RPS6KA4: variants seen among roughly 807,000 people sequenced by gnomAD.
The protein encoded by RPS6KA4 is ribosomal protein S6 kinase alpha-4.
RPS6KA4 carries 38 observed loss-of-function variants against 89.6 expected under a neutral mutation model. The observed-to-expected ratio is 0.42, with a 90% CI of 0.33 to 0.56. The LOEUF (loss-of-function observed/expected upper bound fraction) is 0.56, where lower values mean the gene tolerates loss of function less well. Ranked by LOEUF, RPS6KA4 falls within the 20% of genes least tolerant of loss-of-function variation. The pLI is 0.07. For missense variants in RPS6KA4, 873 were observed against 1,098.8 expected (o/e 0.79, Z 2.90); for synonymous variants, 495 against 492.8 (o/e 1.00, Z -0.06).
Position 64,371,514 on chromosome 11 carries a change from G to A in RPS6KA4, c.*34G>A. The A allele has an allele frequency of 2.4e-6, 2 of 848,816 alleles. No individual in the cohort carries two copies. The highest frequency in any genetic ancestry group is 1.8e-6 in the Non-Finnish European group (1 of 543,070). The allele number at this position is 848,816 out of a possible 1,614,324, so 52.6% of individuals were successfully genotyped here. ...ACTGTGACCCCCTTCCCTCATAGGG[G>A]CTGTGACCTGGGAGCCCGGCTCACT... is the stretch of plus-strand genomic sequence containing the variant. On this transcript the variant is annotated 3_prime_UTR_variant, in exon 17 of 17. Coordinates refer to ENST00000334205, the MANE Select transcript of RPS6KA4 (RefSeq NM_003942.3).
chr11:64,361,234 C>G lies in RPS6KA4; in HGVS notation c.563C>G (p.Thr188Arg). 3 of 1,613,020 alleles carry G rather than the reference C, an allele frequency of 1.9e-6. No homozygotes were observed. The highest frequency in any genetic ancestry group is 2.5e-6 in the Non-Finnish European group (3 of 1,179,712). ...TTCGGGCTGAGCAAGGAGTTCCTGA[C>G]GGAGGAGGTGAGTGGAGGCCACCTC... ...TDFGLSKEFL[T>R]EEKERTFSFC... The change falls in exon 5 of 17, where the codon ACG becomes AGG. Residue 188 changes from threonine to arginine, a missense_variant. This residue lies in a region of RPS6KA4 where 542 missense variants were observed against 736.4 expected (regional missense o/e 0.74). Transcript: ENST00000334205. This position sits in a 1 kb window ranked among gnomAD's most constrained non-coding sequence, Gnocchi z 4.7.
rs534359368 is a variant in RPS6KA4 at position 64,365,932 on chromosome 11, G to A, written c.1071+467G>A. ...TATGCGCCTGTAATCCCAGCTACTC[G>A]GGAGGCTGAGGTGAGAGAATCCCTT... On this transcript the variant is annotated intron_variant, in intron 9 of 16. Transcript: ENST00000334205. Among the ~76,000 whole-genome samples the A allele has an allele frequency of 3.5e-4, 53 of 152,088 alleles. 1 individual carries two copies. The highest frequency in any genetic ancestry group is 6.8e-3 in the Middle Eastern group (2 of 294).
Position 64,370,708 on chromosome 11 carries a change from T to A in RPS6KA4, c.2103T>A (p.Gly701=). ...CCTCTGGGCCCGCAGTGCGCTCGGG[T>A]CTCAACGCCACCTTCATGGTAAGGG... ...LESSGPAVRS[G]LNATFMAFNR... Residue 701 remains glycine (G), a synonymous_variant, in exon 16 of 17, where the codon GGT becomes GGA. Coordinates refer to ENST00000334205, the MANE Select transcript of RPS6KA4 (RefSeq NM_003942.3). This position sits in a 1 kb window ranked among gnomAD's most constrained non-coding sequence, Gnocchi z 4.1. 4 of 1,558,978 alleles carry A rather than the reference T, an allele frequency of 2.6e-6. No individual in the cohort carries two copies. The highest frequency in any genetic ancestry group is 3.5e-6 in the Non-Finnish European group (4 of 1,156,088).
intron 8 of RPS6KA4, among the ~76,000 whole-genome samples, chr11:64,362,828 G>A (rs1436773799): frequency 2.6e-5 from 4 of 152,114 alleles, no homozygotes; most frequent in Admixed American, 1.3e-4. Context: ...AGGCCACCAC[G>A]ACTGGCTAAT....
At chr11:64,359,745 T>C in intron 2 of RPS6KA4, 1 of 539,654 alleles carries the variant, frequency 1.9e-6, no homozygotes, top group Non-Finnish European at 3.3e-6. Context: ...CTCCTCCCTT[T>C]CTTCCAATAT....
Position 64,370,794 on chromosome 11 carries a change from C to T in RPS6KA4, c.2121+68C>T, listed in dbSNP as rs1326077628. The T allele has an allele frequency of 7.6e-6, 11 of 1,440,810 alleles. No individual in the cohort carries two copies. The highest frequency in any genetic ancestry group is 1.0e-5 in the Non-Finnish European group (11 of 1,096,632). The allele number at this position is 1,440,810 out of a possible 1,614,324, so 89.3% of individuals were successfully genotyped here. A position where few individuals can be genotyped will look rare whatever the true frequency, so the allele number is the denominator to read the frequency against. ...TCGAGAGGTGGGGTCTGGGGAGGCC[C>T]GGCCATCGGAGCACAGAAAGGCGAG... On this transcript the variant is annotated intron_variant, in intron 16 of 16. Transcript: ENST00000334205. The surrounding 1 kb of genome is among the most constrained non-coding windows in gnomAD (Gnocchi z 4.1).
At position 64,361,049 on chromosome 11, in the gene RPS6KA4, T is replaced by G. The variant is rs2036732473; in HGVS notation, c.463-85T>G. 2 of 1,124,662 alleles carry G rather than the reference T, an allele frequency of 1.8e-6. No homozygotes were observed. 69.7% of individuals were successfully genotyped at this position (1,124,662 alleles called of 1,614,324 possible). On this transcript the variant is annotated intron_variant, in intron 4 of 16. Transcript: ENST00000334205. The surrounding 1 kb of genome is among the most constrained non-coding windows in gnomAD (Gnocchi z 4.7). ...GGCAGATGACTTTCTCTGGGGGGTC[T>G]CCTTATCCTGAGCAGGGCCAGGAGC...
chr11:64,360,612 C>A lies in RPS6KA4; in HGVS notation c.462+20C>A, dbSNP rs1389082322. 6.4e-7 allele frequency: 1 copy of A among 1,568,082 alleles called. No homozygotes were observed. Among genetic ancestry groups the A allele is most frequent in the Admixed American group, 1.8e-5 (1 of 54,260 alleles). On this transcript the variant is annotated intron_variant, in intron 4 of 16. Transcript: ENST00000334205. Reference sequence around the variant, plus strand: ...CACAAGGTGGGTGAAGACCTGGCCGCAGGCTGTTGCTATGGAAACTGGGTC... The same window carrying A: ...CACAAGGTGGGTGAAGACCTGGCCGAAGGCTGTTGCTATGGAAACTGGGTC...
At chr11:64,359,717 C>T (rs1418790994) in intron 2 of RPS6KA4, 11 of 562,762 alleles carry the variant, frequency 2.0e-5, no homozygotes, top group African/African-American at 3.8e-5. Flanking sequence ...TGGCGCCCCT[C>T]TCAAGTGATT....
intron 8 of RPS6KA4, among the ~76,000 whole-genome samples, chr11:64,364,233 G>A (rs1367115527): frequency 6.6e-6 from 1 of 151,052 alleles, no homozygotes; most frequent in Non-Finnish European, 1.5e-5. Flanking sequence ...TGGAGCTCTT[G>A]CCATCTAAGC....
intron 12 of RPS6KA4, among the ~76,000 whole-genome samples, chr11:64,369,159 C>T (rs1403404480): frequency 1.3e-5 from 2 of 152,106 alleles, no homozygotes; most frequent in Non-Finnish European, 2.9e-5. Context: ...GACGCGGTGG[C>T]GTGCGCCTGT....
rs151034403 is a variant in RPS6KA4, at chr11:64,368,219, C to A, written c.1159C>A (p.Arg387=). The A allele has an allele frequency of 6.2e-7, 1 of 1,613,574 alleles. No individual in the cohort carries two copies. The highest frequency in any genetic ancestry group is 8.5e-7 in the Non-Finnish European group (1 of 1,180,012). The change falls in exon 10 of 17, where the codon CGG becomes AGG. Residue 387 remains arginine, a synonymous_variant. Transcript: ENST00000334205. ...DGLEAPGAGD[R]PGRAAVARSA... ...GCTGGAAGCGCCTGGTGCTGGAGAC[C>A]GGCCAGGTCGGGCAGCGGTGGCCAG...
At position 64,369,877 on chromosome 11, in the gene RPS6KA4, G is replaced by A; in HGVS notation, c.1781G>A (p.Ser594Asn). ...QGYDESCDLWSLGVILYMMLS... is the reference protein window; with the variant it reads ...QGYDESCDLWNLGVILYMMLS... ...TACGACGAGTCCTGCGACCTCTGGA[G>A]CCTGGGCGTCATTCTGGTATGGGAC... is the stretch of plus-strand genomic sequence containing the variant. Residue 594 changes from serine to asparagine, a missense_variant, in exon 14 of 17, where the codon AGC becomes AAC. This residue lies in a region of RPS6KA4 where 278 missense variants were observed against 284.8 expected (regional missense o/e 0.98). Transcript: ENST00000334205. 6.5e-7 allele frequency: 1 copy of A among 1,548,182 alleles called. No homozygotes were observed. The highest frequency in any genetic ancestry group is 8.7e-7 in the Non-Finnish European group (1 of 1,145,506).
At chr11:64,371,201 A>G in intron 16 of RPS6KA4, 82 bp from the exon 17 acceptor site, 3 of 1,398,504 alleles carry the variant, frequency 2.1e-6, no homozygotes, top group Admixed American at 3.7e-5. Context: ...GCTGGAGGCA[A>G]GGTCTGGGAA....
intron 8 of RPS6KA4, among the ~76,000 whole-genome samples, chr11:64,362,457 C>T (rs1218309643): frequency 1.3e-5 from 2 of 152,230 alleles, no homozygotes; most frequent in Non-Finnish European, 2.9e-5. Context: ...GCCTGTCATT[C>T]AGATGGACGG....
intron 8 of RPS6KA4, among the ~76,000 whole-genome samples, chr11:64,362,977 A>G (rs2036794556): frequency 6.6e-6 from 1 of 152,056 alleles, no homozygotes; most frequent in Non-Finnish European, 1.5e-5. Context: ...TGCCACAACC[A>G]CCTTGATTTT....
intron 9 of RPS6KA4, among the ~76,000 whole-genome samples, 186 bp downstream of exon 9, chr11:64,365,651 G>A (rs1232936840): frequency 6.6e-6 from 1 of 152,216 alleles, no homozygotes; most frequent in Non-Finnish European, 1.5e-5. Context: ...GGCAGGATGT[G>A]TGTTTGATAG....
At chr11:64,369,678 A>T in intron 13 of RPS6KA4, 21 bp from the exon 14 acceptor site, 1 of 1,602,162 alleles carries the variant, frequency 6.2e-7, no homozygotes, top group Non-Finnish European at 8.5e-7. Context: ...GCCTCTGACC[A>T]CTACCCCGCC....
At position 64,360,244 on chromosome 11, in the gene RPS6KA4, C is replaced by T; in HGVS notation, c.209C>T (p.Ala70Val). The T allele has an allele frequency of 6.5e-7, 1 of 1,547,782 alleles. No individual in the cohort carries two copies. The highest frequency in any genetic ancestry group is 8.7e-7 in the Non-Finnish European group (1 of 1,146,612). The change falls in exon 3 of 17, where the codon GCG (alanine) becomes GTG (valine). Residue 70 changes from alanine (A) to valine (V), a missense_variant. Transcript: ENST00000334205. ...TACGCCATGAAGGTGCTGCGCAAGG[C>T]GGCGCTGGTGCAGCGCGCCAAGACG... is the stretch of plus-strand genomic sequence containing the variant. ...KLYAMKVLRK[A>V]ALVQRAKTQE...
Sources: allele counts gnomAD v4.1 joint callset (sites outside exome capture counted in the v4.1 genomes callset), GRCh38; gene constraint gnomAD v4.1.1; regional missense constraint gnomAD v4.1.1; non-coding constraint Gnocchi (gnomAD v3.1); transcripts MANE v1.5; gene names NCBI Gene and HGNC (gene_info 2026-07-23, HGNC 2026-07-21).